The following HGD variants were observed in gnomAD, a reference collection of about 807,000 sequenced individuals.
HGD encodes homogentisate oxidase.
In HGD, 61 loss-of-function variants were observed where a neutral mutation model predicts 60.8. The observed-to-expected ratio is 1.00, with a 90% CI of 0.82 to 1.24. The LOEUF is 1.24. Among genes scored for constraint, HGD ranks in the 50% most tolerant of loss-of-function variants. HGD has a pLI of 0.00. For missense variants in HGD, 542 were observed against 547.1 expected (o/e 0.99, Z 0.09); for synonymous variants, 212 against 187.7 (o/e 1.13, Z -1.06).
At chr3:120,660,824 T>C (rs772889106) in intron 4 of HGD, among the ~76,000 whole-genome samples, 5 of 151,928 alleles carry the variant, frequency 3.3e-5, no homozygotes, top group Admixed American at 6.6e-5. Flanking sequence ...AAACAAAACA[T>C]AACAAAAGTC....
chr3:120,638,724 G>T, intron 11 of HGD, 143 bp from the exon 12 acceptor site: 1 of 949,418 alleles, frequency 1.1e-6, no homozygotes, highest in Non-Finnish European at 1.6e-6. Flanking sequence ...AATTTAGATA[G>T]AGGGATACAT....
At chr3:120,664,202 A>G (rs1707845201) in intron 4 of HGD, among the ~76,000 whole-genome samples, 1 of 152,100 alleles carries the variant, frequency 6.6e-6, no homozygotes, top group Admixed American at 6.5e-5. Flanking sequence ...CCAACAATCA[A>G]TGGTGACAAG....
intron 13 of HGD, among the ~76,000 whole-genome samples, chr3:120,630,320 T>C (rs1282680948): frequency 6.6e-6 from 1 of 151,976 alleles, no homozygotes; most frequent in Non-Finnish European, 1.5e-5. Context: ...TACCCAAGGC[T>C]ATCCTAAGCA....
At position 120,642,805 on chromosome 3, in the gene HGD, C is replaced by T. The variant is rs145479560; in HGVS notation, c.775-1112G>A. ...GAAATATCCCAATTTGTCTTTCCTC[C>T]TGCCTTGTAGTTTCCTGTGGGTTGA... On this transcript the variant is annotated intron_variant, in intron 10 of 13. Transcript: ENST00000283871. Among the ~76,000 whole-genome samples, 25 of 152,308 alleles carry T rather than the reference C, an allele frequency of 1.6e-4. No homozygotes were observed. The East Asian group carries it at 3.9e-3, about 24-fold the overall frequency.
intron 12 of HGD, 134 bp downstream of exon 12, chr3:120,638,321 T>A: frequency 9.2e-7 from 1 of 1,086,036 alleles, no homozygotes; most frequent in Non-Finnish European, 1.4e-6. Flanking sequence ...GCACTAGGCC[T>A]TGTGCAGCAG....
intron 11 of HGD, among the ~76,000 whole-genome samples, chr3:120,641,018 A>G (rs1052696401): frequency 2.0e-4 from 31 of 152,206 alleles, no homozygotes; most frequent in African/African-American, 7.5e-4. Context: ...ACCAGAGACC[A>G]TTTGTGGCCT....
intron 4 of HGD, among the ~76,000 whole-genome samples, chr3:120,663,457 C>A (rs1707825715): frequency 6.6e-6 from 1 of 152,178 alleles, no homozygotes; most frequent in Non-Finnish European, 1.5e-5. Context: ...TGGGTGGCAG[C>A]AGGCAAAGAA....
intron 1 of HGD, among the ~76,000 whole-genome samples, chr3:120,678,347 T>C (rs2107561859): frequency 2.0e-5 from 3 of 152,370 alleles, no homozygotes; most frequent in Middle Eastern, 6.8e-3. Flanking sequence ...AGCCTGTGAC[T>C]GAAGCCACTG....
intron 12 of HGD, among the ~76,000 whole-genome samples, chr3:120,636,522 C>T (rs41452145): frequency 0.084 from 12,856 of 152,178 alleles, 739 homozygotes; most frequent in Middle Eastern, 0.16. Context: ...GAGTAACATG[C>T]GAAGTACAGA....
Position 120,656,772 on chromosome 3 carries a change from G to A in HGD, c.283-4121C>T, listed in dbSNP as rs796258693. On this transcript the variant is annotated intron_variant, in intron 4 of 13. Transcript: ENST00000283871. The stretch of plus-strand genomic sequence containing the variant: ...TCACCATGTTGGCCAGGCTGGTCTC[G>A]AACTTCTGACCTCAGGTGATCCACT... Among the ~76,000 whole-genome samples, 24 of 152,128 alleles carry A rather than the reference G, an allele frequency of 1.6e-4. No homozygotes were observed. The South Asian group carries it at 1.7e-3, about 11-fold the overall frequency.
In HGD at chr3:120,638,504, T is replaced by G. The variant is rs1046523610; in HGVS notation, c.957A>C (p.Pro319=). 6.2e-7 allele frequency: 1 copy of G among 1,613,610 alleles called. No homozygotes were observed. The highest frequency in any genetic ancestry group is 2.2e-5 in the East Asian group (1 of 44,852). Residue 319 remains proline (P), a synonymous_variant, in exon 12 of 14, where the codon CCA becomes CCC. Coordinates refer to ENST00000283871, the MANE Select transcript of HGD (RefSeq NM_000187.4). ...GVAIADFVIF[P]PRWGVADKTF... ...TCTTATCAGCAACCCCCCATCGAGG[T>G]GGGAAGATGACAAAATCAGCAATGG...
intron 1 of HGD, among the ~76,000 whole-genome samples, chr3:120,678,289 G>C (rs1042479570): frequency 2.0e-5 from 3 of 152,152 alleles, no homozygotes; most frequent in Admixed American, 6.5e-5. Context: ...CTGAGAATTG[G>C]TAATAACCCC....
intron 7 of HGD, 26 bp from the exon 8 acceptor site, chr3:120,647,078 T>G: frequency 6.4e-7 from 1 of 1,574,252 alleles, no homozygotes; most frequent in Non-Finnish European, 8.7e-7. Flanking sequence ...AGGGCAGTGG[T>G]GAGCAATTCT....
At chr3:120,650,492 A>G (rs920668020) in intron 6 of HGD, among the ~76,000 whole-genome samples, 2 of 152,234 alleles carry the variant, frequency 1.3e-5, no homozygotes, top group African/African-American at 4.8e-5. Context: ...ATGCCTTTCG[A>G]TCTACTCCTG....
intron 4 of HGD, among the ~76,000 whole-genome samples, chr3:120,656,956 C>T (rs943189759): frequency 3.3e-5 from 5 of 152,150 alleles, no homozygotes; most frequent in African/African-American, 4.8e-5. Context: ...CGTGTAAAAT[C>T]GTCACTTCCA....
At chr3:120,641,171 G>A (rs1405286643) in intron 11 of HGD, among the ~76,000 whole-genome samples, 2 of 152,300 alleles carry the variant, frequency 1.3e-5, no homozygotes, top group East Asian at 3.9e-4. Context: ...AGGCACTGGG[G>A]TGAGAAGTCA....
At chr3:120,678,666 G>A (rs17140409) in intron 1 of HGD, among the ~76,000 whole-genome samples, 1 of 152,192 alleles carries the variant, frequency 6.6e-6, no homozygotes, top group Non-Finnish European at 1.5e-5. Context: ...TTCTGAATCC[G>A]TTTCTCAATC....
chr3:120,653,520 AG>A (rs1246703095), intron 4 of HGD, among the ~76,000 whole-genome samples: 1 of 152,178 alleles, frequency 6.6e-6, no homozygotes. Context: ...TCTGTATTTC[AG>A]GGAGGCAGCC....
intron 4 of HGD, 102 bp downstream of exon 4, chr3:120,670,324 TA>T (rs991964611): frequency 2.6e-6 from 2 of 762,530 alleles, no homozygotes; most frequent in Non-Finnish European, 4.8e-6. Flanking sequence ...AATAATACTT[TA>T]AAAAACTATC....
Sources: gnomAD v4.1 joint callset for allele counts (sites outside exome capture counted in the v4.1 genomes callset) on GRCh38, gnomAD v4.1.1 for gene constraint, MANE v1.5 for transcripts, NCBI Gene and HGNC (gene_info 2026-07-23, HGNC 2026-07-21) for gene names.